CTSE: variants seen among roughly 807,000 people sequenced by gnomAD.
The protein encoded by CTSE is cathepsin E, also known as erythrocyte membrane aspartic proteinase.
In CTSE, 43 loss-of-function variants were observed where a neutral mutation model predicts 42.8. The observed-to-expected ratio is 1.01, with a 90% CI of 0.79 to 1.30. The LOEUF (loss-of-function observed/expected upper bound fraction) is 1.30, where lower values mean the gene tolerates loss of function less well. Among genes scored for constraint, CTSE ranks in the 50% most tolerant of loss-of-function variants. The pLI, the probability that CTSE is intolerant of heterozygous loss-of-function variation, is 0.00. For missense variants in CTSE, 532 were observed against 493.5 expected (o/e 1.08, Z -0.74); for synonymous variants, 205 against 191.5 (o/e 1.07, Z -0.58).
In CTSE at chr1:206,013,877, G is replaced by A. The variant is rs782562119; in HGVS notation, c.680C>T (p.Ala227Val). ...GCCTCCAAAAATCAGCTCGCTCCCC[G>A]CACCACCTTCTGGGTTACTACATGG... ...VYMSSNPEGGAGSELIFGGYD... is the reference protein window; with the variant it reads ...VYMSSNPEGGVGSELIFGGYD... Residue 227 changes from alanine (A) to valine (V), a missense_variant, in exon 6 of 9, where the codon GCG (alanine) becomes GTG (valine). Physicochemically the swap from Ala to Val is moderately conservative, Grantham distance 64. Transcript: ENST00000358184. 349 of 1,613,474 alleles carry A rather than the reference G, an allele frequency of 2.2e-4. 3 individuals are homozygous for A. The highest frequency in any genetic ancestry group is 2.7e-4 in the Non-Finnish European group (320 of 1,179,776).
chr1:206,012,222 G>T, intron 8 of CTSE, 86 bp downstream of exon 8: 1 of 1,114,782 alleles, frequency 9.0e-7, no homozygotes, highest in Non-Finnish European at 1.3e-6. Context: ...GGGTAAAGGC[G>T]GGCAAAGTGC....
At chr1:206,013,666 T>C in intron 6 of CTSE, 106 bp downstream of exon 6, 1 of 1,409,180 alleles carries the variant, frequency 7.1e-7, no homozygotes, top group Non-Finnish European at 9.8e-7. Context: ...AGTAAGCTTC[T>C]GGCATCCTCT....
intron 1 of CTSE, 94 bp from the exon 2 acceptor site, chr1:206,023,151 A>C: frequency 2.2e-6 from 1 of 458,000 alleles, no homozygotes; most frequent in Non-Finnish European, 4.4e-6. Flanking sequence ...ACTAGAGAAG[A>C]TGGGGTGGGA....
chr1:206,015,966 C>T lies in CTSE; in HGVS notation c.627G>A (p.Leu209=). The T allele has an allele frequency of 6.2e-7, 1 of 1,613,904 alleles. No homozygotes were observed. Among genetic ancestry groups the T allele is most frequent in the Non-Finnish European group, 8.5e-7 (1 of 1,179,914 alleles). ...AGACAGAAAACATCGGCAAGTCCAC[C>T]AGGTTCTGAGCCATCATGTTGTCAA... ...PVFDNMMAQN[L]VDLPMFSVYM... is the part of the protein sequence containing the mutation. Residue 209 remains leucine, a synonymous_variant, in exon 5 of 9, where the codon CTG becomes CTA. Transcript: ENST00000358184.
intron 8 of CTSE, among the ~76,000 whole-genome samples, chr1:206,011,947 C>T (rs1198966154): frequency 6.6e-6 from 1 of 152,146 alleles, no homozygotes; most frequent in African/African-American, 2.4e-5. Flanking sequence ...TTATTTGACT[C>T]TCTGAGTCTT....
chr1:206,020,834 G>C (rs540274575), intron 4 of CTSE, among the ~76,000 whole-genome samples: 1 of 152,128 alleles, frequency 6.6e-6, no homozygotes, highest in Admixed American at 6.5e-5. Context: ...TCCTGCCAGA[G>C]TCCCCCTGTG....
intron 4 of CTSE, among the ~76,000 whole-genome samples, chr1:206,020,741 CG>C (rs1553278243): frequency 6.6e-6 from 1 of 152,010 alleles, no homozygotes; most frequent in Non-Finnish European, 1.5e-5. Flanking sequence ...AAGACGGAGA[CG>C]TGGTTTTATC....
At position 206,021,163 on chromosome 1, in the gene CTSE, C is replaced by A. The variant is rs149390455; in HGVS notation, c.348G>T (p.Thr116=). 1 of 1,610,382 alleles carries A rather than the reference C, an allele frequency of 6.2e-7. No homozygotes were observed. The highest frequency in any genetic ancestry group is 8.5e-7 in the Non-Finnish European group (1 of 1,176,722). The part of the protein sequence containing the change: ...SVYCTSPACK[T]HSRFQPSQSS... The stretch of plus-strand genomic sequence containing the variant: ...ACTGGGAAGGCTGGAACCTGCTGTG[C>A]GTCTCTGGAAAGAAGTGCACTGCTC... The change falls in exon 4 of 9, where the codon ACG becomes ACT. Residue 116 remains threonine (T), a synonymous_variant. Transcript: ENST00000358184.
rs1332357538 is a variant in CTSE, at chr1:206,022,262, T to G, written c.231A>C (p.Glu77Asp). The change falls in exon 3 of 9, where the codon GAA (glutamate) becomes GAC (aspartate). Residue 77 changes from glutamate to aspartate, a missense_variant. Transcript: ENST00000358184. ...AGCCAATGGAGATAGTGCCGAAGTATTCCATCTGCAAGGAAGAGTGAGAAG... is the reference window on the plus strand; with the variant it reads ...AGCCAATGGAGATAGTGCCGAAGTAGTCCATCTGCAAGGAAGAGTGAGAAG... ...KEPLINYLDMEYFGTISIGSP... is the reference protein window; with the variant it reads ...KEPLINYLDMDYFGTISIGSP... The G allele has an allele frequency of 6.2e-7, 1 of 1,605,204 alleles. No individual in the cohort carries two copies. Among genetic ancestry groups the G allele is most frequent in the Non-Finnish European group, 8.5e-7 (1 of 1,173,094 alleles).
intron 1 of CTSE, among the ~76,000 whole-genome samples, chr1:206,023,394 G>C (rs1313668196): frequency 6.6e-6 from 1 of 151,856 alleles, no homozygotes; most frequent in Non-Finnish European, 1.5e-5. Context: ...AAAACTCTTG[G>C]GGACAGTGAT....
intron 3 of CTSE, among the ~76,000 whole-genome samples, chr1:206,021,809 A>T (rs892217583): frequency 2.0e-5 from 3 of 152,078 alleles, no homozygotes; most frequent in Non-Finnish European, 4.4e-5. Context: ...CCTGCTCAGA[A>T]ATAACCAATT....
chr1:206,012,624 A>G lies in CTSE; in HGVS notation c.811T>C (p.Phe271Leu), dbSNP rs1661140645. 6.2e-7 allele frequency: 1 copy of G among 1,613,890 alleles called. No homozygotes were observed. The highest frequency in any genetic ancestry group is 1.7e-5 in the Admixed American group (1 of 60,010). ...ATGGCCTGGCAGCCCTCGGAGCAGA[A>G]CATAACAGTGCCTCCCACCTGGATG... ...DNIQVGGTVM[F>L]CSEGCQAIVD... The change falls in exon 7 of 9, where the codon TTC (phenylalanine) becomes CTC (leucine). Residue 271 changes from phenylalanine to leucine, a missense_variant. Transcript: ENST00000358184.
Position 206,022,174 on chromosome 1 carries a change from C to T in CTSE, c.319G>A (p.Val107Met), listed in dbSNP as rs193920960. 1 of 1,611,272 alleles carries T rather than the reference C, an allele frequency of 6.2e-7. No individual in the cohort carries two copies. Among genetic ancestry groups the T allele is most frequent in the South Asian group, 1.1e-5 (1 of 90,910 alleles). Residue 107 changes from valine (V) to methionine (M), a missense_variant, in exon 3 of 9, where the codon GTG becomes ATG. By Grantham distance (21) the Val-to-Met change is conservative (BLOSUM62 1). Coordinates refer to ENST00000358184, the MANE Select transcript of CTSE (RefSeq NM_001910.4). ...CTGCAGGCTGGGCTAGTGCAGTACACAGAGGGGACCCAGAGGTTGGAGGAG... is the reference window on the plus strand; with the variant it reads ...CTGCAGGCTGGGCTAGTGCAGTACATAGAGGGGACCCAGAGGTTGGAGGAG... Reference protein sequence around the residue: ...TGSSNLWVPSVYCTSPACKTH... With the variant: ...TGSSNLWVPSMYCTSPACKTH...
intron 4 of CTSE, among the ~76,000 whole-genome samples, chr1:206,019,969 A>G (rs1366754008): frequency 6.9e-6 from 1 of 143,896 alleles, no homozygotes; most frequent in Non-Finnish European, 1.5e-5. Context: ...ATTATATTCT[A>G]TAATATATTA....
In CTSE at chr1:206,013,626, C is replaced by A. The variant is rs551684088; in HGVS notation, c.785+146G>T. ...GGTTACAGAGGTCCCTTCCTGCACA[C>A]TTGCTCAGCACCTCCATACCTCCAA... On this transcript the variant is annotated intron_variant, in intron 6 of 8. Transcript: ENST00000358184. The A allele has an allele frequency of 8.9e-5, 89 of 1,004,208 alleles. 2 individuals are homozygous for A. The South Asian group carries it at 1.3e-3, about 15-fold the overall frequency. 62.2% of individuals were successfully genotyped at this position (1,004,208 alleles called of 1,614,324 possible).
intron 4 of CTSE, 71 bp downstream of exon 4, chr1:206,020,978 A>T (rs1661399557): frequency 8.7e-7 from 1 of 1,150,538 alleles, no homozygotes; most frequent in African/African-American, 1.5e-5. Context: ...GGCAGATTTG[A>T]AATGTAAGAC....
In CTSE at chr1:206,023,843, G is replaced by T. The variant is rs1182981397; in HGVS notation, c.-52C>A. ...TTGCCCCCTCCTTTCTTCTCTCCCC[G>T]AGGGCAGTGGGAACGGACTTTCCCT... is the stretch of plus-strand genomic sequence containing the variant. On this transcript the variant is annotated 5_prime_UTR_variant, in exon 1 of 9. Coordinates refer to ENST00000358184, the MANE Select transcript of CTSE (RefSeq NM_001910.4). The T allele has an allele frequency of 1.3e-6, 2 of 1,583,124 alleles. No homozygotes were observed. The highest frequency in any genetic ancestry group is 1.7e-6 in the Non-Finnish European group (2 of 1,153,464).
intron 1 of CTSE, 50 bp from the exon 2 acceptor site, chr1:206,023,107 TC>T: frequency 5.1e-6 from 6 of 1,186,132 alleles, no homozygotes; most frequent in Non-Finnish European, 4.3e-6. Context: ...GCCTCCCTCT[TC>T]CCCCCATTCT....
chr1:206,011,012 G>T (rs1396054668), intron 8 of CTSE, among the ~76,000 whole-genome samples: 1 of 152,028 alleles, frequency 6.6e-6, no homozygotes, highest in African/African-American at 2.4e-5. Context: ...GGCTCAGGGA[G>T]ACTTCTTGAG....
Sources: allele counts gnomAD v4.1 joint callset (sites outside exome capture counted in the v4.1 genomes callset), GRCh38; gene constraint gnomAD v4.1.1; transcripts MANE v1.5; gene names NCBI Gene and HGNC (gene_info 2026-07-23, HGNC 2026-07-21).